Variants in MAP3K3 observed in about 807,000 individuals in gnomAD.
The protein encoded by MAP3K3 is MAP/ERK kinase kinase 3.
MAP3K3 carries 12 observed loss-of-function variants against 80.9 expected under a neutral mutation model. That is an observed-to-expected ratio of 0.15 (90% CI 0.10 to 0.24). The LOEUF (loss-of-function observed/expected upper bound fraction) is 0.24. Ranked by LOEUF, MAP3K3 falls within the 10% of genes least tolerant of loss-of-function variation. MAP3K3 has a pLI of 1.00. For missense variants in MAP3K3, 596 were observed against 834.7 expected (o/e 0.71, Z 3.52); for synonymous variants, 272 against 307.1 (o/e 0.89, Z 1.19).
chr17:63,667,015 A>G lies in MAP3K3; in HGVS notation c.457A>G (p.Thr153Ala). Residue 153 changes from threonine (T) to alanine (A), a missense_variant, in exon 6 of 16, where the codon ACT becomes GCT. Coordinates refer to ENST00000361733, the MANE Select transcript of MAP3K3 (RefSeq NM_002401.5). Reference protein sequence around the residue: ...KASQSAGDINTIYQPPEPRSR... With the variant: ...KASQSAGDINAIYQPPEPRSR... ...TTCCCAGTCCGCAGGGGATATAAAT[A>G]CTATCTACCAGCCCCCCGAGCCCAG... 4 of 1,612,422 alleles carry G rather than the reference A, an allele frequency of 2.5e-6. No individual in the cohort carries two copies. The highest frequency in any genetic ancestry group is 3.4e-6 in the Non-Finnish European group (4 of 1,179,638).
Position 63,630,152 on chromosome 17 carries a change from T to C in MAP3K3, c.5-2529T>C, listed in dbSNP as rs548451868. ...CACTTAAACCTAGTCATAATCCTCCTTGTATTGATCCCAATTTATTATTAC... is the reference window on the plus strand; with the variant it reads ...CACTTAAACCTAGTCATAATCCTCCCTGTATTGATCCCAATTTATTATTAC... On this transcript the variant is annotated intron_variant, in intron 1 of 15. Coordinates refer to ENST00000361733, the MANE Select transcript of MAP3K3 (RefSeq NM_002401.5). Among the ~76,000 whole-genome samples, 377 of 152,326 alleles carry C rather than the reference T, an allele frequency of 2.5e-3. 3 individuals are homozygous for C. Among genetic ancestry groups the C allele is most frequent in the African/African-American group, 8.8e-3 (366 of 41,576 alleles).
At chr17:63,665,397 C>T (rs1192741613) in intron 5 of MAP3K3, among the ~76,000 whole-genome samples, 2 of 152,020 alleles carry the variant, frequency 1.3e-5, no homozygotes, top group Non-Finnish European at 2.9e-5. Context: ...GATCTCCTGA[C>T]CTCATGATCC....
At position 63,634,691 on chromosome 17, in the gene MAP3K3, G is replaced by GT. The variant is rs766851783; in HGVS notation, c.126+1896dup. The GT allele has an allele frequency of 7.1e-5, 113 of 1,602,608 alleles. No individual in the cohort carries two copies. In the South Asian group the frequency reaches 1.1e-3, roughly 15 times the overall value. ...CGAAGGATACAAATTATTAACCTCA[G>GT]TTTTTTTGTTTTTAAAGAAAAAACA... On this transcript the variant is annotated intron_variant, in intron 2 of 15. Coordinates refer to ENST00000361733, the MANE Select transcript of MAP3K3 (RefSeq NM_002401.5).
In MAP3K3 at chr17:63,637,163, C is replaced by T. The variant is rs1016303836; in HGVS notation, c.126+4361C>T. On this transcript the variant is annotated intron_variant, in intron 2 of 15. Coordinates refer to ENST00000361733, the MANE Select transcript of MAP3K3 (RefSeq NM_002401.5). ...TGCGCACGTGTGCAAGTGTGTGAGG[C>T]CCTGCCACTATTAAAAACTGAGACC... 12 of 288,424 alleles carry T rather than the reference C, an allele frequency of 4.2e-5. No homozygotes were observed. The Admixed American group carries it at 4.6e-4, about 11-fold the overall frequency. The allele number at this position is 288,424 out of a possible 1,614,324, so 17.9% of individuals were successfully genotyped here. A position where few individuals can be genotyped will look rare whatever the true frequency, so the allele number is the denominator to read the frequency against.
At chr17:63,661,659 C>T (rs1356851353) in intron 5 of MAP3K3, among the ~76,000 whole-genome samples, 3 of 152,188 alleles carry the variant, frequency 2.0e-5, no homozygotes, top group Admixed American at 6.5e-5. Context: ...CAAAAATAAG[C>T]TTCTAATCTT....
At chr17:63,636,447 A>G (rs901753887) in intron 2 of MAP3K3, among the ~76,000 whole-genome samples, 2 of 152,192 alleles carry the variant, frequency 1.3e-5, no homozygotes, top group African/African-American at 2.4e-5. Flanking sequence ...GATGTGTGGC[A>G]CATCCTACGT....
At chr17:63,677,981 G>A (rs560828294) in intron 6 of MAP3K3, among the ~76,000 whole-genome samples, 2 of 152,232 alleles carry the variant, frequency 1.3e-5, no homozygotes, top group Admixed American at 1.3e-4. Flanking sequence ...ATGGGGGACA[G>A]ATGGCCTGGC....
chr17:63,669,932 G>A (rs1056899112), intron 6 of MAP3K3, among the ~76,000 whole-genome samples: 5 of 151,798 alleles, frequency 3.3e-5, no homozygotes, highest in South Asian at 2.1e-4. Context: ...GCAAAACCCC[G>A]TCTCTACAAA....
Position 63,666,920 on chromosome 17 carries a change from T to C in MAP3K3, c.382-20T>C, listed in dbSNP as rs368678801. 6 of 1,606,916 alleles carry C rather than the reference T, an allele frequency of 3.7e-6. No individual in the cohort carries two copies. The highest frequency in any genetic ancestry group is 5.1e-6 in the Non-Finnish European group (6 of 1,176,664). On this transcript the variant is annotated intron_variant, in intron 5 of 15. Transcript: ENST00000361733. Reference sequence around the variant, plus strand: ...GACTGTGTAAAGATGTAGCTTGGCCTTTTTCCTCTTCTTTTACAGAACAGT... The same window carrying C: ...GACTGTGTAAAGATGTAGCTTGGCCCTTTTCCTCTTCTTTTACAGAACAGT...
intron 6 of MAP3K3, among the ~76,000 whole-genome samples, chr17:63,672,012 G>T (rs1179087317): frequency 2.0e-5 from 3 of 151,908 alleles, no homozygotes; most frequent in Admixed American, 6.6e-5. Flanking sequence ...GCCAGGTTTG[G>T]TGGCTCACAT....
At chr17:63,627,445 CTT>C (rs1183128007) in intron 1 of MAP3K3, among the ~76,000 whole-genome samples, 24 of 143,418 alleles carry the variant, frequency 1.7e-4, no homozygotes, top group African/African-American at 2.0e-4. Context: ...TTCACAAATA[CTT>C]TTTTTTTTTT....
chr17:63,653,413 C>T (rs936817336), intron 4 of MAP3K3, among the ~76,000 whole-genome samples: 1 of 152,184 alleles, frequency 6.6e-6, no homozygotes, highest in East Asian at 1.9e-4. Context: ...ACCAGATCAT[C>T]ACTGTGTAGT....
intron 5 of MAP3K3, among the ~76,000 whole-genome samples, chr17:63,663,500 CA>C (rs201343358): frequency 0.037 from 3,499 of 94,118 alleles, 120 homozygotes; most frequent in African/African-American, 0.12. Flanking sequence ...AACTCCGTCT[CA>C]AAAAAAAAAA....
intron 7 of MAP3K3, among the ~76,000 whole-genome samples, chr17:63,683,300 C>T (rs1031943158): frequency 6.6e-6 from 1 of 152,156 alleles, no homozygotes; most frequent in African/African-American, 2.4e-5. Context: ...GAGTAGTGAC[C>T]TGGAGTGCCA....
intron 1 of MAP3K3, among the ~76,000 whole-genome samples, chr17:63,632,283 G>A (rs1454613514): frequency 6.6e-6 from 1 of 152,100 alleles, no homozygotes; most frequent in African/African-American, 2.4e-5. Flanking sequence ...CTGGAGTCCA[G>A]GAGTTGGAGA....
At chr17:63,656,548 C>G (rs2143382457) in intron 4 of MAP3K3, among the ~76,000 whole-genome samples, 1 of 147,546 alleles carries the variant, frequency 6.8e-6, no homozygotes, top group Middle Eastern at 4.0e-3. Flanking sequence ...GACATTGCAG[C>G]AAGTTGTGAT....
chr17:63,671,706 T>C (rs2035113239), intron 6 of MAP3K3, among the ~76,000 whole-genome samples: 1 of 152,190 alleles, frequency 6.6e-6, no homozygotes, highest in African/African-American at 2.4e-5. Flanking sequence ...ATTCTTAAAA[T>C]TTCTTTTTTC....
chr17:63,641,242 C>CTTT (rs1220305485), intron 2 of MAP3K3, among the ~76,000 whole-genome samples: 1 of 143,116 alleles, frequency 7.0e-6, no homozygotes, highest in South Asian at 2.2e-4. Context: ...AGTGCCATTA[C>CTTT]TTTTTTTTTT....
chr17:63,676,601 C>G (rs1466090337), intron 6 of MAP3K3, among the ~76,000 whole-genome samples: 1 of 152,170 alleles, frequency 6.6e-6, no homozygotes, highest in Non-Finnish European at 1.5e-5. Context: ...AGAGGAGAAC[C>G]CACTGTAGCT....
Sources: allele counts gnomAD v4.1 joint callset (sites outside exome capture counted in the v4.1 genomes callset), GRCh38; gene constraint gnomAD v4.1.1; transcripts MANE v1.5; gene names NCBI Gene and HGNC (gene_info 2026-07-23, HGNC 2026-07-21).